Variants in OTOF observed in about 807,000 individuals in gnomAD.
The protein encoded by OTOF is otoferlin.
In OTOF, 218 loss-of-function variants were observed where a neutral mutation model predicts 236.8. That is an observed-to-expected ratio of 0.92 (90% CI 0.82 to 1.03). The LOEUF is 1.03. OTOF is among the 50% of genes least tolerant of loss of function. The pLI is 0.00. For synonymous variants in OTOF, 1,041 were observed against 1,072.5 expected, an observed-to-expected ratio of 0.97 and a Z score of 0.57; for missense variants, 2,590 against 2,694.4, an observed-to-expected ratio of 0.96 and a Z score of 0.86.
rs56332208 is a variant in OTOF, at chr2:26,537,756, C to G, written c.98G>C (p.Arg33Pro). The G allele has an allele frequency of 1.9e-6, 3 of 1,554,622 alleles. No homozygotes were observed. Among genetic ancestry groups the G allele is most frequent in the Admixed American group, 3.9e-5 (2 of 51,710 alleles). ...CACATCCTCACAGTTCTCCAGGACC[C>G]GAGAGTAGAAGGATTGCCCTGTGGG... ...VTFRGQSFYS[R>P]VLENCEDVAD... Residue 33 changes from arginine (R) to proline (P), a missense_variant, in exon 2 of 47, where the codon CGG becomes CCG. Arg to Pro is a moderately radical substitution (Grantham distance 103). Transcript: ENST00000272371.
chr2:26,504,791 T>C (rs1022022532), intron 5 of OTOF, among the ~76,000 whole-genome samples: 1 of 152,130 alleles, frequency 6.6e-6, no homozygotes, highest in African/African-American at 2.4e-5. Flanking sequence ...CCCATCCATA[T>C]TGCATGAGTG....
intron 3 of OTOF, 119 bp downstream of exon 3, chr2:26,527,713 C>T: frequency 1.3e-6 from 1 of 790,460 alleles, no homozygotes; most frequent in Admixed American, 1.8e-5. Context: ...GAAGATCAAT[C>T]CAGGGCAGGT....
chr2:26,476,451 C>G, intron 22 of OTOF, 134 bp from the exon 23 acceptor site: 2 of 818,890 alleles, frequency 2.4e-6, no homozygotes, highest in East Asian at 5.4e-5. Context: ...GGCTGGGGTC[C>G]GGTGGAGGCA....
intron 6 of OTOF, among the ~76,000 whole-genome samples, 194 bp downstream of exon 6, chr2:26,503,578 C>G (rs561000086): frequency 6.6e-6 from 1 of 152,378 alleles, no homozygotes; most frequent in African/African-American, 2.4e-5. Context: ...GCACCCCCGA[C>G]AGAGGGCGCT....
rs80356574 is a variant in OTOF, at chr2:26,474,554, C to T, written c.3247G>A (p.Ala1083Thr). The T allele has an allele frequency of 1.5e-5, 24 of 1,612,898 alleles. No individual in the cohort carries two copies. The highest frequency in any genetic ancestry group is 2.7e-5 in the African/African-American group (2 of 75,050). The change falls in exon 26 of 47, where the codon GCC becomes ACC. Residue 1083 changes from alanine (A) to threonine (T), a missense_variant. Physicochemically the swap from Ala to Thr is moderately conservative, Grantham distance 58 (BLOSUM62 0). Transcript: ENST00000272371. Reference sequence around the variant, plus strand: ...GCCGCCAGCAGGTCTCCAGCTGTGGCGTTGCCACGGTAGATCTGGTAGTAC... The same window carrying T: ...GCCGCCAGCAGGTCTCCAGCTGTGGTGTTGCCACGGTAGATCTGGTAGTAC... ...LEYYQIYRGN[A>T]TAGDLLAAFE...
chr2:26,461,725 GC>G lies in OTOF; in HGVS notation c.5503del (p.Ala1835ArgfsTer17). On this transcript the variant is annotated frameshift_variant, in exon 43 of 47. Coordinates refer to ENST00000272371, the MANE Select transcript of OTOF (RefSeq NM_194248.3). LOFTEE classifies it high-confidence loss of function. This position sits in a 1 kb window ranked among gnomAD's most constrained non-coding sequence, Gnocchi z 6.2. ...GAAGTCGTCAGCGGAGAAGTGGTCC[GC>G]ATCCCAGATCTGCAGGGTGAGCCGC... ...PARLTLQIWD[A>X]DHFSADDFLG... 6.2e-7 allele frequency: 1 copy of G among 1,614,096 alleles called. No individual in the cohort carries two copies. The highest frequency in any genetic ancestry group is 8.5e-7 in the Non-Finnish European group (1 of 1,180,024).
At chr2:26,556,294 A>G (rs1402398442) in intron 1 of OTOF, among the ~76,000 whole-genome samples, 1 of 152,166 alleles carries the variant, frequency 6.6e-6, no homozygotes, top group East Asian at 1.9e-4. Context: ...ATGCTAAGGA[A>G]CATTGTAGAG....
Position 26,459,449 on chromosome 2 carries a change from G to A in OTOF, c.*17+559C>T, listed in dbSNP as rs535453179. ...TGCCTGTAGTCCCAGCTACTCAGGA[G>A]GCTGAGGCAGGAGAATGGCGTGAAC... On this transcript the variant is annotated intron_variant, in intron 46 of 46. Transcript: ENST00000272371. Among the ~76,000 whole-genome samples the A allele has an allele frequency of 8.5e-5, 13 of 152,094 alleles. No individual in the cohort carries two copies. In the South Asian group the frequency reaches 2.7e-3, roughly 32 times the overall value.
chr2:26,509,491 G>T (rs533971488), intron 5 of OTOF, among the ~76,000 whole-genome samples: 1 of 152,258 alleles, frequency 6.6e-6, no homozygotes, highest in South Asian at 2.1e-4. Context: ...TTGCTTGTGC[G>T]TAACAAATGC....
Position 26,461,578 on chromosome 2 carries a change from G to T in OTOF, c.5533+118C>A. ...CCGTCGGACACCCCTGGCTCTGATG[G>T]ACTGGAAGCAATGACCCCTTGTCCC... On this transcript the variant is annotated intron_variant, in intron 43 of 46. Transcript: ENST00000272371. The surrounding 1 kb of genome is among the most constrained non-coding windows in gnomAD (Gnocchi z 6.2). 7 of 1,407,398 alleles carry T rather than the reference G, an allele frequency of 5.0e-6. No homozygotes were observed. In the South Asian group the frequency reaches 7.1e-5, roughly 14 times the overall value. The allele number at this position is 1,407,398 out of a possible 1,614,324, so 87.2% of individuals were successfully genotyped here.
chr2:26,518,181 A>T (rs749700907), intron 4 of OTOF, among the ~76,000 whole-genome samples: 3 of 152,272 alleles, frequency 2.0e-5, no homozygotes, highest in Non-Finnish European at 2.9e-5. Flanking sequence ...ACCATGGCAC[A>T]GTCCCATTTT....
At position 26,474,585 on chromosome 2, in the gene OTOF, C is replaced by T; in HGVS notation, c.3216G>A (p.Gln1072=). The T allele has an allele frequency of 6.2e-7, 1 of 1,613,284 alleles. No individual in the cohort carries two copies. The highest frequency in any genetic ancestry group is 8.5e-7 in the Non-Finnish European group (1 of 1,180,008). ...EAYCPPRFPP[Q]LEYYQIYRGN... ...CACGGTAGATCTGGTAGTACTCGAG[C>T]TGAGGTGGGAAGCGGGGTGGGCAGT... Residue 1072 remains glutamine, a synonymous_variant, in exon 26 of 47, where the codon CAG becomes CAA. Coordinates refer to ENST00000272371, the MANE Select transcript of OTOF (RefSeq NM_194248.3).
intron 5 of OTOF, among the ~76,000 whole-genome samples, chr2:26,511,157 C>T (rs570382552): frequency 2.0e-5 from 3 of 152,160 alleles, no homozygotes; most frequent in African/African-American, 4.8e-5. Context: ...CTCTGCCCAC[C>T]GGCTCCCCTG....
In OTOF at chr2:26,497,089, CTTTTTTTTTT is replaced by C. The variant is rs201349303; in HGVS notation, c.766-2026_766-2017del. Among the ~76,000 whole-genome samples the C allele has an allele frequency of 2.4e-3, 232 of 97,752 alleles. 2 individuals are homozygous for C. Among genetic ancestry groups the C allele is most frequent in the African/African-American group, 3.3e-3 (109 of 32,688 alleles). 64.1% of individuals were successfully genotyped at this position (97,752 alleles called of 152,430 possible). A position where few individuals can be genotyped will look rare whatever the true frequency, so the allele number is the denominator to read the frequency against. On this transcript the variant is annotated intron_variant, in intron 8 of 46. Coordinates refer to ENST00000272371, the MANE Select transcript of OTOF (RefSeq NM_194248.3). ...TAAGCATGGACCTCTGTACATTCTTCTTTTTTTTTTTTTTTTTTTTTTTTTTTTTTTGAGA... is the reference window on the plus strand; with the variant it reads ...TAAGCATGGACCTCTGTACATTCTTCTTTTTTTTTTTTTTTTTTTTTGAGA...
chr2:26,460,612 A>G lies in OTOF; in HGVS notation c.5813+35T>C. 1.3e-6 allele frequency: 2 copies of G among 1,531,636 alleles called. No homozygotes were observed. The highest frequency in any genetic ancestry group is 1.7e-5 in the Admixed American group (1 of 59,626). The allele number at this position is 1,531,636 out of a possible 1,614,324, so 94.9% of individuals were successfully genotyped here. On this transcript the variant is annotated intron_variant, in intron 45 of 46. Transcript: ENST00000272371. The surrounding 1 kb of genome is among the most constrained non-coding windows in gnomAD (Gnocchi z 5.3). ...TCCTGTTCCAGCGCCTCCAAGAGCC[A>G]GAGTGGGGAGGGGCTGGGCCGGCAG...
intron 1 of OTOF, among the ~76,000 whole-genome samples, chr2:26,538,443 TAG>T (rs998132441): frequency 2.4e-4 from 37 of 152,122 alleles, no homozygotes; most frequent in African/African-American, 8.7e-4. Context: ...GCATGGGAAG[TAG>T]AGAGTGTGTG....
At chr2:26,492,375 C>G (rs1239992284) in intron 9 of OTOF, among the ~76,000 whole-genome samples, 1 of 152,064 alleles carries the variant, frequency 6.6e-6, no homozygotes, top group Non-Finnish European at 1.5e-5. Flanking sequence ...TTAGAGGAAA[C>G]AGAAACAAAA....
chr2:26,510,076 C>A (rs1008221250), intron 5 of OTOF, among the ~76,000 whole-genome samples: 2 of 152,154 alleles, frequency 1.3e-5, no homozygotes, highest in South Asian at 2.1e-4. Context: ...TCTTTCCAGA[C>A]CCTTGTGACC....
rs578022262 is a variant in OTOF at position 26,530,545 on chromosome 2, C to G, written c.139-2625G>C. Among the ~76,000 whole-genome samples, 525 of 152,302 alleles carry G rather than the reference C, an allele frequency of 3.4e-3. 1 individual carries two copies. Among genetic ancestry groups the G allele is most frequent in the African/African-American group, 0.012 (492 of 41,554 alleles). Reference sequence around the variant, plus strand: ...CCTCACTGAGTCACAGCAGCTTCTTCGGTCTCTGACTTGCTCCCACCTTAC... The same window carrying G: ...CCTCACTGAGTCACAGCAGCTTCTTGGGTCTCTGACTTGCTCCCACCTTAC... On this transcript the variant is annotated intron_variant, in intron 2 of 46. Transcript: ENST00000272371.
Sources: gnomAD v4.1 joint callset for allele counts (sites outside exome capture counted in the v4.1 genomes callset) on GRCh38, gnomAD v4.1.1 for gene constraint, Gnocchi (gnomAD v3.1) non-coding constraint, MANE v1.5 for transcripts, NCBI Gene and HGNC (gene_info 2026-07-23, HGNC 2026-07-21) for gene names.